The following FHIT variants were observed in gnomAD, a reference collection of about 807,000 sequenced individuals.
The protein encoded by FHIT is bis(5'-adenosyl)-triphosphatase.
Under a neutral mutation model 17.9 loss-of-function variants are expected in FHIT, and 19 were observed. That is an observed-to-expected ratio of 1.06 (90% confidence interval 0.74 to 1.56). FHIT has a LOEUF of 1.56. Ranked by LOEUF, FHIT falls within the 40% of genes most tolerant of loss-of-function variation. The pLI is 0.00. For synonymous variants in FHIT, 81 were observed against 69.7 expected (o/e 1.16, Z -0.81); for missense variants, 248 against 189.2 (o/e 1.31, Z -1.82).
intron 8 of FHIT, among the ~76,000 whole-genome samples, chr3:59,806,804 C>A (rs1002770528): frequency 6.6e-6 from 1 of 151,850 alleles, no homozygotes; most frequent in African/African-American, 2.4e-5. Flanking sequence ...GTGACTCAAA[C>A]CAAATTATCA....
chr3:60,193,016 C>T (rs1184459561), intron 5 of FHIT, among the ~76,000 whole-genome samples: 1 of 152,110 alleles, frequency 6.6e-6, no homozygotes, highest in Non-Finnish European at 1.5e-5. Context: ...TGACCGAAAA[C>T]TAAAGGGATG....
chr3:60,787,100 C>G (rs999211285), intron 4 of FHIT, among the ~76,000 whole-genome samples: 2 of 152,000 alleles, frequency 1.3e-5, no homozygotes, highest in Admixed American at 6.6e-5. Context: ...ATTTTGTCAG[C>G]TTCTTCTAGC....
chr3:61,016,454 A>C (rs539321916), intron 3 of FHIT, among the ~76,000 whole-genome samples: 2 of 152,340 alleles, frequency 1.3e-5, no homozygotes, highest in Admixed American at 6.5e-5. Flanking sequence ...TTTTAAAGAC[A>C]CAGGGGATTT....
At chr3:59,901,001 G>A (rs1358924727) in intron 8 of FHIT, among the ~76,000 whole-genome samples, 1 of 152,170 alleles carries the variant, frequency 6.6e-6, no homozygotes, top group Non-Finnish European at 1.5e-5. Flanking sequence ...ATGACCAACA[G>A]GATGCAGAGA....
At chr3:61,233,013 A>G (rs1024348538) in intron 1 of FHIT, among the ~76,000 whole-genome samples, 12 of 152,220 alleles carry the variant, frequency 7.9e-5, no homozygotes, top group African/African-American at 2.9e-4. Context: ...ATGGGTACAA[A>G]GATGAGGGTA....
At chr3:60,746,833 T>C (rs138724154) in intron 4 of FHIT, among the ~76,000 whole-genome samples, 2 of 152,196 alleles carry the variant, frequency 1.3e-5, no homozygotes, top group Admixed American at 1.3e-4. Context: ...TCCGTTTTAG[T>C]ATATAAGAAA....
intron 5 of FHIT, among the ~76,000 whole-genome samples, chr3:60,376,680 T>C (rs959083233): frequency 6.6e-6 from 1 of 152,232 alleles, no homozygotes; most frequent in Non-Finnish European, 1.5e-5. Context: ...CTGGTTTAAA[T>C]GACACATTTT....
chr3:59,986,032 G>C (rs1053353199), intron 7 of FHIT, among the ~76,000 whole-genome samples: 3 of 152,024 alleles, frequency 2.0e-5, no homozygotes, highest in Non-Finnish European at 2.9e-5. Flanking sequence ...TCTGAACCAA[G>C]TATCACTTCC....
At chr3:60,373,655 T>C (rs982722859) in intron 5 of FHIT, among the ~76,000 whole-genome samples, 9 of 152,076 alleles carry the variant, frequency 5.9e-5, no homozygotes, top group African/African-American at 2.2e-4. Flanking sequence ...GACCAGCAAT[T>C]GTCCCCAAAA....
At chr3:60,706,871 G>C (rs1191760861) in intron 4 of FHIT, among the ~76,000 whole-genome samples, 1 of 152,182 alleles carries the variant, frequency 6.6e-6, no homozygotes. Context: ...ATGAATTAGT[G>C]AAGCAACTTC....
intron 5 of FHIT, among the ~76,000 whole-genome samples, chr3:60,480,044 G>A (rs936516458): frequency 1.3e-5 from 2 of 152,158 alleles, no homozygotes; most frequent in Non-Finnish European, 2.9e-5. Context: ...TTTATGAAGA[G>A]AAGAGGCTTA....
chr3:60,415,278 C>T (rs1214626409), intron 5 of FHIT, among the ~76,000 whole-genome samples: 2 of 152,080 alleles, frequency 1.3e-5, no homozygotes, highest in Non-Finnish European at 2.9e-5. Flanking sequence ...AAAAATAATA[C>T]TCAAGTGATG....
intron 4 of FHIT, among the ~76,000 whole-genome samples, chr3:60,758,929 A>C (rs1699541667): frequency 6.6e-6 from 1 of 152,148 alleles, no homozygotes; most frequent in Admixed American, 6.5e-5. Flanking sequence ...GGCCTTTCTT[A>C]AAAGGTGATA....
intron 4 of FHIT, among the ~76,000 whole-genome samples, chr3:60,556,873 C>T (rs180991): frequency 2.6e-4 from 39 of 152,300 alleles, no homozygotes; most frequent in African/African-American, 8.4e-4. Flanking sequence ...GCAAAGGATG[C>T]TCTCTTTTTT....
chr3:61,211,260 G>T (rs995715966), intron 1 of FHIT, among the ~76,000 whole-genome samples: 1 of 151,894 alleles, frequency 6.6e-6, no homozygotes, highest in South Asian at 2.1e-4. Context: ...TCAAAGAAAG[G>T]GGTGACAGAC....
chr3:60,409,760 C>CA (rs1701997897), intron 5 of FHIT, among the ~76,000 whole-genome samples: 1 of 152,092 alleles, frequency 6.6e-6, no homozygotes, highest in Non-Finnish European at 1.5e-5. Context: ...AAATACAATG[C>CA]AAAAATCTCA....
At chr3:59,922,101 G>A (rs1228142897) in intron 8 of FHIT, among the ~76,000 whole-genome samples, 1 of 152,158 alleles carries the variant, frequency 6.6e-6, no homozygotes. Context: ...TGACAGGATA[G>A]AAATCACAAG....
At chr3:59,820,850 A>C (rs2106654897) in intron 8 of FHIT, among the ~76,000 whole-genome samples, 2 of 152,236 alleles carry the variant, frequency 1.3e-5, no homozygotes, top group East Asian at 3.9e-4. Flanking sequence ...AGGCAGAAGC[A>C]CAGAAGTTGT....
intron 5 of FHIT, chr3:60,535,875 G>A (rs367905291): frequency 5.8e-4 from 87 of 150,610 alleles, no homozygotes; most frequent in African/African-American, 2.1e-3. Context: ...AAAGTTCTCA[G>A]GCACTTTCCA....
Sources: allele counts gnomAD v4.1 joint callset (sites outside exome capture counted in the v4.1 genomes callset), GRCh38; gene constraint gnomAD v4.1.1; transcripts MANE v1.5; gene names NCBI Gene and HGNC (gene_info 2026-07-23, HGNC 2026-07-21).